CAMK1D: variants seen among roughly 807,000 people sequenced by gnomAD.
CAMK1D encodes calcium/calmodulin-dependent protein kinase type 1D.
In CAMK1D, 9 loss-of-function variants were observed where a neutral mutation model predicts 47.7. The observed-to-expected ratio is 0.19, with a 90% CI of 0.11 to 0.33. CAMK1D has a LOEUF of 0.33. CAMK1D is among the 10% of genes least tolerant of loss of function. The probability of loss-of-function intolerance (pLI) is 1.00; values close to 1 mark genes in which losing one functional copy is unlikely to be tolerated. For synonymous variants in CAMK1D, 184 were observed against 184.9 expected, an observed-to-expected ratio of 0.99 and a Z score of 0.04; for missense variants, 291 against 488.7, an observed-to-expected ratio of 0.60 and a Z score of 3.81.
intron 1 of CAMK1D, chr10:12,456,473 A>G (rs564629579): frequency 6.6e-6 from 1 of 152,216 alleles, no homozygotes; most frequent in Non-Finnish European, 1.5e-5. Context: ...TTTAAATTTT[A>G]AAAGATCCCG....
chr10:12,727,747 G>C (rs904894101), intron 3 of CAMK1D, among the ~76,000 whole-genome samples: 1 of 148,122 alleles, frequency 6.8e-6, no homozygotes, highest in African/African-American at 2.5e-5. Context: ...CATGTGTCAG[G>C]CTTCTAAATT....
intron 1 of CAMK1D, among the ~76,000 whole-genome samples, chr10:12,397,445 A>G (rs1839002077): frequency 6.6e-6 from 1 of 152,032 alleles, no homozygotes. Flanking sequence ...AGATAAAACC[A>G]TTTATTCTTG....
Position 12,426,690 on chromosome 10 carries a change from A to C in CAMK1D, c.92+76780A>C, listed in dbSNP as rs556023065. Among the ~76,000 whole-genome samples the C allele has an allele frequency of 2.5e-3, 381 of 151,996 alleles. 3 individuals carry two copies. The highest frequency in any genetic ancestry group is 7.2e-3 in the Admixed American group (110 of 15,256). On this transcript the variant is annotated intron_variant, in intron 1 of 10. Coordinates refer to ENST00000619168, the MANE Select transcript of CAMK1D (RefSeq NM_153498.4). ...CAGCTTCCTAAGTAGCTGGGACCCC[A>C]GGTGCGTGCCACCACACCCAGCTAA...
At chr10:12,656,961 A>G (rs2132526022) in intron 2 of CAMK1D, among the ~76,000 whole-genome samples, 1 of 152,352 alleles carries the variant, frequency 6.6e-6, no homozygotes, top group Middle Eastern at 3.4e-3. Context: ...GTATTTAACG[A>G]CTTGTTCAAA....
intron 3 of CAMK1D, among the ~76,000 whole-genome samples, chr10:12,674,755 C>G (rs915359923): frequency 1.3e-5 from 2 of 151,734 alleles, no homozygotes; most frequent in African/African-American, 4.8e-5. Flanking sequence ...AATCCAGGGT[C>G]AGGCGCGGTG....
At chr10:12,667,188 C>T (rs1840461236) in intron 3 of CAMK1D, among the ~76,000 whole-genome samples, 1 of 152,230 alleles carries the variant, frequency 6.6e-6, no homozygotes, top group Admixed American at 6.5e-5. Context: ...AACTCCCACC[C>T]TTGTCATCCT....
chr10:12,698,673 A>ATTTTTT (rs573723767), intron 3 of CAMK1D, among the ~76,000 whole-genome samples: 37,525 of 103,418 alleles, frequency 0.36, 8,217 homozygotes, highest in Middle Eastern at 0.54. Flanking sequence ...CCTTTAAAGA[A>ATTTTTT]TTTTTTTTTT....
At chr10:12,351,331 T>C (rs2997065) in intron 1 of CAMK1D, among the ~76,000 whole-genome samples, 81,387 of 151,986 alleles carry the variant, frequency 0.54, 22,139 homozygotes, top group Non-Finnish European at 0.58. Context: ...GGTTGCCTCT[T>C]AGTGCAGCCA....
intron 6 of CAMK1D, among the ~76,000 whole-genome samples, chr10:12,804,325 G>C (rs1838617986): frequency 6.6e-6 from 1 of 152,118 alleles, no homozygotes; most frequent in Admixed American, 6.6e-5. Context: ...TCATTAAATA[G>C]TATCGAGGCC....
chr10:12,678,886 T>A (rs1840899360), intron 3 of CAMK1D, among the ~76,000 whole-genome samples: 1 of 151,934 alleles, frequency 6.6e-6, no homozygotes, highest in South Asian at 2.1e-4. Flanking sequence ...CCTCAGACTC[T>A]CGAGTAGCTG....
At chr10:12,777,858 G>A (rs1300588528) in intron 5 of CAMK1D, among the ~76,000 whole-genome samples, 3 of 152,234 alleles carry the variant, frequency 2.0e-5, no homozygotes, top group Admixed American at 1.3e-4. Flanking sequence ...TGAACCTTGA[G>A]CAAAGAAACT....
chr10:12,777,252 G>A (rs1837291228), intron 5 of CAMK1D, among the ~76,000 whole-genome samples: 1 of 152,104 alleles, frequency 6.6e-6, no homozygotes, highest in South Asian at 2.1e-4. Flanking sequence ...TAGAAAGAGT[G>A]CTGGCGGAGA....
At chr10:12,394,486 C>T (rs573303528) in intron 1 of CAMK1D, among the ~76,000 whole-genome samples, 314 of 152,236 alleles carry the variant, frequency 2.1e-3, no homozygotes, top group Non-Finnish European at 3.6e-3. Flanking sequence ...CAAGAGTCAC[C>T]GCATTGGCAT....
intron 2 of CAMK1D, among the ~76,000 whole-genome samples, chr10:12,624,322 A>G (rs1839138044): frequency 6.6e-6 from 1 of 152,198 alleles, no homozygotes; most frequent in Non-Finnish European, 1.5e-5. Flanking sequence ...TGACTACAGT[A>G]CAATGTTGTA....
intron 1 of CAMK1D, among the ~76,000 whole-genome samples, chr10:12,412,623 CAA>C (rs1193655289): frequency 3.9e-5 from 1 of 25,614 alleles, no homozygotes; most frequent in African/African-American, 1.6e-4. Flanking sequence ...GACGCCATCT[CAA>C]AAAAAAAAAA....
intron 1 of CAMK1D, among the ~76,000 whole-genome samples, chr10:12,538,983 T>A (rs1836076029): frequency 6.6e-6 from 1 of 151,166 alleles, no homozygotes; most frequent in East Asian, 1.9e-4. Context: ...AGACAGGTGG[T>A]CTCAAACTCC....
At chr10:12,426,529 G>A (rs1272528237) in intron 1 of CAMK1D, among the ~76,000 whole-genome samples, 1 of 152,138 alleles carries the variant, frequency 6.6e-6, no homozygotes, top group Non-Finnish European at 1.5e-5. Flanking sequence ...ACAGGCGTGA[G>A]CCACCATGCC....
intron 8 of CAMK1D, among the ~76,000 whole-genome samples, chr10:12,821,121 C>G (rs905327863): frequency 1.3e-5 from 2 of 152,168 alleles, no homozygotes; most frequent in African/African-American, 2.4e-5. Flanking sequence ...CAGGGAAGAG[C>G]TGATGTTGCA....
intron 1 of CAMK1D, among the ~76,000 whole-genome samples, chr10:12,418,943 T>TGGCCATAGGTGGAAGGCCTCAGC (rs1839949355): frequency 6.6e-6 from 1 of 151,968 alleles, no homozygotes; most frequent in African/African-American, 2.4e-5. Flanking sequence ...AAGGCCTCAG[T>TGGCCATAGGTGGAAGGCCTCAGC]CGCGGGCGTG....
Sources: gnomAD v4.1 joint callset for allele counts (sites outside exome capture counted in the v4.1 genomes callset) on GRCh38, gnomAD v4.1.1 for gene constraint, MANE v1.5 for transcripts, NCBI Gene and HGNC (gene_info 2026-07-23, HGNC 2026-07-21) for gene names.